The following FREM1 variants were observed in gnomAD, a reference collection of about 807,000 sequenced individuals.
FREM1 encodes the protein FRAS1 related extracellular matrix 1, also known as FRAS1-related extracellular matrix protein 1.
In FREM1, 220 loss-of-function variants were observed where a neutral mutation model predicts 210.1. The observed-to-expected ratio is 1.05, with a 90% CI of 0.94 to 1.17. The LOEUF (loss-of-function observed/expected upper bound fraction) is 1.17. FREM1 is among the 50% of genes most tolerant of loss of function. FREM1 has a pLI of 0.00. For missense variants in FREM1, 3,454 were observed against 2,675.5 expected (o/e 1.29, Z -6.42); for synonymous variants, 1,189 against 980.2 (o/e 1.21, Z -3.98).
At chr9:14,897,362 G>A (rs1438288696) in intron 1 of FREM1, among the ~76,000 whole-genome samples, 2 of 152,120 alleles carry the variant, frequency 1.3e-5, no homozygotes, top group Non-Finnish European at 2.9e-5. Flanking sequence ...GAGCCCAGGT[G>A]CCTGAAACCA....
intron 1 of FREM1, among the ~76,000 whole-genome samples, chr9:14,873,198 A>T (rs1298575898): frequency 1.3e-5 from 2 of 152,062 alleles, no homozygotes; most frequent in Non-Finnish European, 2.9e-5. Flanking sequence ...TGAGTTAGGG[A>T]GGATTCCCTC....
upstream of FREM1, chr9:14,910,483 G>GCA: frequency 1.3e-5 from 2 of 153,110 alleles, no homozygotes; most frequent in Non-Finnish European, 2.9e-5. Flanking sequence ...CAGCACACAG[G>GCA]CACACACACA....
In FREM1 at chr9:14,789,951, C is replaced by T. The variant is rs182380494; in HGVS notation, c.3982-837G>A. 6.2e-3 allele frequency among the ~76,000 whole-genome samples: 938 copies of T among 152,254 alleles called. 14 individuals are homozygous for T. The highest frequency in any genetic ancestry group is 0.021 in the African/African-American group (881 of 41,546). On this transcript the variant is annotated intron_variant, in intron 22 of 36. Coordinates refer to ENST00000380880, the MANE Select transcript of FREM1 (RefSeq NM_001379081.2). ...TCCCTAGGAATGGCTCATAAAAAGT[C>T]ATCAGACATAATTTTTTAAAGTCAT...
intron 3 of FREM1, among the ~76,000 whole-genome samples, chr9:14,860,754 TATATATGCAC>T (rs1564101123): frequency 8.8e-6 from 1 of 113,744 alleles, no homozygotes; most frequent in African/African-American, 4.1e-5. Flanking sequence ...TATATGCACA[TATATATGCAC>T]ATATATACAC....
At chr9:14,814,521 G>A (rs762371967) in intron 15 of FREM1, among the ~76,000 whole-genome samples, 1 of 152,114 alleles carries the variant, frequency 6.6e-6, no homozygotes, top group Non-Finnish European at 1.5e-5. Context: ...AGAGGAATGG[G>A]TAACAAAAGC....
At chr9:14,828,109 C>A (rs1588213347) in intron 10 of FREM1, among the ~76,000 whole-genome samples, 1 of 152,304 alleles carries the variant, frequency 6.6e-6, no homozygotes, top group East Asian at 1.9e-4. Context: ...CAGGGCCACC[C>A]CAGAGACCAC....
At chr9:14,908,182 A>G (rs1818114150) in intron 1 of FREM1, among the ~76,000 whole-genome samples, 1 of 152,226 alleles carries the variant, frequency 6.6e-6, no homozygotes, top group African/African-American at 2.4e-5. Context: ...TGACTTTCAC[A>G]TATTGTGAAA....
At chr9:14,761,274 T>C (rs1391657926) in intron 27 of FREM1, among the ~76,000 whole-genome samples, 2 of 152,136 alleles carry the variant, frequency 1.3e-5, no homozygotes, top group Non-Finnish European at 2.9e-5. Context: ...CTCAACAGTG[T>C]AGGTTCATAG....
intron 35 of FREM1, among the ~76,000 whole-genome samples, chr9:14,741,291 A>T (rs1227512382): frequency 6.6e-6 from 1 of 152,144 alleles, no homozygotes; most frequent in African/African-American, 2.4e-5. Flanking sequence ...CAAAATTCAG[A>T]TCTATTTCTC....
chr9:14,827,896 C>G (rs1235415962), intron 10 of FREM1, among the ~76,000 whole-genome samples: 1 of 152,238 alleles, frequency 6.6e-6, no homozygotes, highest in East Asian at 1.9e-4. Context: ...AGCCACCACT[C>G]TGGAGAACAC....
intron 27 of FREM1, among the ~76,000 whole-genome samples, chr9:14,761,551 TC>T (rs1845499989): frequency 6.6e-6 from 1 of 152,298 alleles, no homozygotes; most frequent in African/African-American, 2.4e-5. Flanking sequence ...ACTACGGTAA[TC>T]CCTCTTTTTC....
intron 29 of FREM1, among the ~76,000 whole-genome samples, chr9:14,755,069 G>A (rs1844064421): frequency 6.6e-6 from 1 of 152,208 alleles, no homozygotes; most frequent in Non-Finnish European, 1.5e-5. Flanking sequence ...GCCACCGGAA[G>A]CATGGAAGAG....
chr9:14,889,343 T>C (rs1189498169), intron 1 of FREM1, among the ~76,000 whole-genome samples: 2 of 152,250 alleles, frequency 1.3e-5, no homozygotes, highest in Admixed American at 1.3e-4. Context: ...AAGTGAAATG[T>C]ATCTGACACT....
At chr9:14,833,417 A>T (rs1433960985) in intron 10 of FREM1, among the ~76,000 whole-genome samples, 1 of 152,140 alleles carries the variant, frequency 6.6e-6, no homozygotes, top group Non-Finnish European at 1.5e-5. Context: ...ACACCCAGGG[A>T]TGGTCGAGGA....
chr9:14,771,266 G>T (rs1237909216), intron 25 of FREM1, among the ~76,000 whole-genome samples: 2 of 152,120 alleles, frequency 1.3e-5, no homozygotes, highest in African/African-American at 2.4e-5. Context: ...GTGATTTACA[G>T]ACACAAAATT....
At chr9:14,892,606 C>T (rs1297589647) in intron 1 of FREM1, among the ~76,000 whole-genome samples, 1 of 152,102 alleles carries the variant, frequency 6.6e-6, no homozygotes, top group Non-Finnish European at 1.5e-5. Context: ...CTGCCTTGCA[C>T]TCTTTGCTGA....
chr9:14,797,654 A>G lies in FREM1; in HGVS notation c.3695-12T>C. ...CGTCAACCTCATTCCTGGAAGAAGG[A>G]AAAAAAATAAGTAAATCTTCCTTAT... On this transcript the variant is annotated splice_polypyrimidine_tract_variant and intron_variant, in intron 20 of 36. Transcript: ENST00000380880. 1 of 1,592,418 alleles carries G rather than the reference A, an allele frequency of 6.3e-7. No homozygotes were observed. Among genetic ancestry groups the G allele is most frequent in the Non-Finnish European group, 8.6e-7 (1 of 1,166,158 alleles).
chr9:14,754,774 A>T (rs1843991879), intron 29 of FREM1, among the ~76,000 whole-genome samples: 1 of 152,138 alleles, frequency 6.6e-6, no homozygotes, highest in South Asian at 2.1e-4. Context: ...TCTACTAAAA[A>T]TACAAAAAAA....
chr9:14,749,937 G>T (rs79843997), intron 30 of FREM1, among the ~76,000 whole-genome samples, 190 bp downstream of exon 30: 1 of 152,154 alleles, frequency 6.6e-6, no homozygotes, highest in Non-Finnish European at 1.5e-5. Flanking sequence ...TCAAGTGATC[G>T]TACTTAGCAG....
Sources: gnomAD v4.1 joint callset for allele counts (sites outside exome capture counted in the v4.1 genomes callset) on GRCh38, gnomAD v4.1.1 for gene constraint, MANE v1.5 for transcripts, NCBI Gene and HGNC (gene_info 2026-07-23, HGNC 2026-07-21) for gene names.